DEFB115: variants seen among roughly 807,000 people sequenced by gnomAD.
DEFB115 encodes defensin beta 115, also known as beta-defensin 115.
Under a neutral mutation model 8.8 loss-of-function variants are expected in DEFB115, and 7 were observed. The observed-to-expected ratio is 0.79, with a 90% CI of 0.45 to 1.49. The LOEUF is 1.49. DEFB115 is among the 40% of genes most tolerant of loss of function. The probability of loss-of-function intolerance (pLI) is 0.01; values close to 1 mark genes in which losing one functional copy is unlikely to be tolerated. For synonymous variants in DEFB115, 62 were observed against 37.6 expected (o/e 1.65, Z -2.37); for missense variants, 143 against 99.4 (o/e 1.44, Z -1.86).
In DEFB115 at chr20:31,259,548, A is replaced by G. The variant is rs982255150; in HGVS notation, c.183A>G (p.Glu61=). 2.5e-6 allele frequency: 4 copies of G among 1,613,300 alleles called. No homozygotes were observed. Among genetic ancestry groups the G allele is most frequent in the Non-Finnish European group, 2.5e-6 (3 of 1,179,600 alleles). The part of the protein sequence containing the change: ...EIERKKEKCG[E]KHICCVPKEK... ...AGAGGAAGAAAGAAAAATGTGGGGA[A>G]AAACATATTTGCTGTGTCCCTAAAG... The change falls in exon 2 of 2, where the codon GAA becomes GAG. Residue 61 remains glutamate, a synonymous_variant. Coordinates refer to ENST00000400552, the MANE Select transcript of DEFB115 (RefSeq NM_001037730.1).
At position 31,257,685 on chromosome 20, in the gene DEFB115, C is replaced by A. The variant is rs946177627; in HGVS notation, c.22C>A (p.Pro8Thr). The change falls in exon 1 of 2, where the codon CCC becomes ACC. Residue 8 changes from proline (P) to threonine (T), a missense_variant. Physicochemically the swap from Pro to Thr is conservative, Grantham distance 38. Transcript: ENST00000400552. ...CAGAATGCTGCCAGATCATTTCTCACCCCTCTCAGGAGACATTAAACTCTC... is the reference window on the plus strand; with the variant it reads ...CAGAATGCTGCCAGATCATTTCTCAACCCTCTCAGGAGACATTAAACTCTC... The part of the protein sequence containing the change: MLPDHFS[P>T]LSGDIKLSVL... 2.5e-6 allele frequency: 4 copies of A among 1,613,902 alleles called. No homozygotes were observed. Among genetic ancestry groups the A allele is most frequent in the Non-Finnish European group, 3.4e-6 (4 of 1,179,922 alleles).
chr20:31,257,767 A>G lies in DEFB115; in HGVS notation c.94+10A>G. The G allele has an allele frequency of 6.2e-7, 1 of 1,606,794 alleles. No individual in the cohort carries two copies. Among genetic ancestry groups the G allele is most frequent in the Non-Finnish European group, 8.5e-7 (1 of 1,173,402 alleles). On this transcript the variant is annotated intron_variant, in intron 1 of 1. Coordinates refer to ENST00000400552, the MANE Select transcript of DEFB115 (RefSeq NM_001037730.1). ...GCTCAGACTGCCCCAGGTAAACAGAACCATGGAGAGAAGGGAAAAGGGAGT... is the reference window on the plus strand; with the variant it reads ...GCTCAGACTGCCCCAGGTAAACAGAGCCATGGAGAGAAGGGAAAAGGGAGT...
Position 31,257,748 on chromosome 20 carries a change from A to T in DEFB115, c.85A>T (p.Thr29Ser), listed in dbSNP as rs34092464. 1 of 1,613,380 alleles carries T rather than the reference A, an allele frequency of 6.2e-7. No homozygotes were observed. The highest frequency in any genetic ancestry group is 2.2e-5 in the East Asian group (1 of 44,862). ...AGTTGTCCTTGTGGTCCTGGCTCAGACTGCCCCAGGTAAACAGAACCATGG... is the reference window on the plus strand; with the variant it reads ...AGTTGTCCTTGTGGTCCTGGCTCAGTCTGCCCCAGGTAAACAGAACCATGG... ...ALVVLVVLAQ[T>S]APDGWIRRCY... The change falls in exon 1 of 2, where the codon ACT (threonine) becomes TCT (serine). Residue 29 changes from threonine (T) to serine (S), a missense_variant. By Grantham distance (58) the Thr-to-Ser change is moderately conservative. Coordinates refer to ENST00000400552, the MANE Select transcript of DEFB115 (RefSeq NM_001037730.1).
intron 1 of DEFB115, 141 bp downstream of exon 1, chr20:31,257,898 T>C (rs1983798052): frequency 4.1e-6 from 3 of 737,242 alleles, no homozygotes; most frequent in South Asian, 1.8e-5. Context: ...ATAATGAATA[T>C]GCTCCCATAA....
At chr20:31,259,391 C>T (rs1253445204) in intron 1 of DEFB115, 69 bp from the exon 2 acceptor site, 5 of 1,422,812 alleles carry the variant, frequency 3.5e-6, no homozygotes, top group Non-Finnish European at 3.7e-6. Flanking sequence ...CTATTACCAA[C>T]ATCCTTTCTT....
At chr20:31,258,578 G>T (rs545674883) in intron 1 of DEFB115, among the ~76,000 whole-genome samples, 2 of 152,184 alleles carry the variant, frequency 1.3e-5, no homozygotes, top group Non-Finnish European at 1.5e-5. Flanking sequence ...CTAACCCTGA[G>T]TTGGCTTGAG....
intron 1 of DEFB115, among the ~76,000 whole-genome samples, chr20:31,258,117 C>T (rs1402919204): frequency 6.6e-6 from 1 of 152,198 alleles, no homozygotes; most frequent in African/African-American, 2.4e-5. Context: ...GTTGATACTA[C>T]CTCTTCTAAT....
rs767578245 is a variant in DEFB115 at position 31,257,727 on chromosome 20, G to T, written c.64G>T (p.Val22Phe). ...TAAACTCTCTGTCCTGGCCTTAGTTGTCCTTGTGGTCCTGGCTCAGACTGC... is the reference window on the plus strand; with the variant it reads ...TAAACTCTCTGTCCTGGCCTTAGTTTTCCTTGTGGTCCTGGCTCAGACTGC... ...DIKLSVLALV[V>F]LVVLAQTAPD... Residue 22 changes from valine to phenylalanine, a missense_variant, in exon 1 of 2, where the codon GTC becomes TTC. By Grantham distance (50) the Val-to-Phe change is conservative (BLOSUM62 -1). Coordinates refer to ENST00000400552, the MANE Select transcript of DEFB115 (RefSeq NM_001037730.1). The T allele has an allele frequency of 4.3e-6, 7 of 1,613,812 alleles. No homozygotes were observed. The highest frequency in any genetic ancestry group is 1.1e-5 in the South Asian group (1 of 91,078).
At position 31,259,443 on chromosome 20, in the gene DEFB115, T is replaced by G. The variant is rs374841457; in HGVS notation, c.95-17T>G. 1 of 1,579,800 alleles carries G rather than the reference T, an allele frequency of 6.3e-7. No individual in the cohort carries two copies. The highest frequency in any genetic ancestry group is 1.2e-5 in the South Asian group (1 of 84,108). ...TCAAATGTATTTATATATTCATGTG[T>G]TTGCTTATTTTGATAGATGGATGGA... On this transcript the variant is annotated splice_polypyrimidine_tract_variant and intron_variant, in intron 1 of 1. Coordinates refer to ENST00000400552, the MANE Select transcript of DEFB115 (RefSeq NM_001037730.1).
intron 1 of DEFB115, among the ~76,000 whole-genome samples, chr20:31,258,877 G>C (rs1343341075): frequency 6.6e-6 from 1 of 152,114 alleles, no homozygotes; most frequent in Non-Finnish European, 1.5e-5. Context: ...TGGGTTTGCA[G>C]TCTGCGTTGA....
intron 1 of DEFB115, among the ~76,000 whole-genome samples, chr20:31,258,415 T>C (rs1983810779): frequency 1.3e-5 from 2 of 152,166 alleles, no homozygotes; most frequent in Admixed American, 1.3e-4. Flanking sequence ...CCCTTAGGCT[T>C]CCCAGGGGCT....
intron 1 of DEFB115, 70 bp downstream of exon 1, chr20:31,257,827 A>G (rs1278199042): frequency 5.8e-6 from 8 of 1,384,950 alleles, no homozygotes; most frequent in Non-Finnish European, 4.1e-6. Flanking sequence ...TCACTGGAAA[A>G]TTGAACATGT....
Position 31,257,755 on chromosome 20 carries a change from C to G in DEFB115, c.92C>G (p.Pro31Arg). ...CTTGTGGTCCTGGCTCAGACTGCCC[C>G]AGGTAAACAGAACCATGGAGAGAAG... ...VVLVVLAQTAPDGWIRRCYYG... is the reference protein window; with the variant it reads ...VVLVVLAQTARDGWIRRCYYG... The change falls in exon 1 of 2, where the codon CCA (proline) becomes CGA (arginine). Residue 31 changes from proline (P) to arginine (R), a missense_variant and splice_region_variant. Coordinates refer to ENST00000400552, the MANE Select transcript of DEFB115 (RefSeq NM_001037730.1). The G allele has an allele frequency of 1.2e-6, 2 of 1,611,862 alleles. No homozygotes were observed. The highest frequency in any genetic ancestry group is 1.7e-5 in the Admixed American group (1 of 59,980).
intron 1 of DEFB115, 99 bp downstream of exon 1, chr20:31,257,856 C>A: frequency 1.9e-6 from 2 of 1,060,626 alleles, no homozygotes; most frequent in East Asian, 2.5e-5. Flanking sequence ...AAGGAGAGCC[C>A]ACAGGGATGG....
chr20:31,257,812 C>A, intron 1 of DEFB115, 55 bp downstream of exon 1: 1 of 1,474,676 alleles, frequency 6.8e-7, no homozygotes, highest in Non-Finnish European at 9.5e-7. Flanking sequence ...GTCCTAACCA[C>A]AGAATCACTG....
chr20:31,259,406 TG>T, intron 1 of DEFB115, 53 bp from the exon 2 acceptor site: 1 of 1,474,578 alleles, frequency 6.8e-7, no homozygotes, highest in Non-Finnish European at 9.0e-7. Context: ...TTTCTTTAAT[TG>T]TATTTATTTT....
chr20:31,259,443 T>A lies in DEFB115; in HGVS notation c.95-17T>A, dbSNP rs374841457. The A allele has an allele frequency of 8.9e-6, 14 of 1,579,800 alleles. No homozygotes were observed. The highest frequency in any genetic ancestry group is 4.5e-5 in the East Asian group (2 of 44,490). On this transcript the variant is annotated splice_polypyrimidine_tract_variant and intron_variant, in intron 1 of 1. Coordinates refer to ENST00000400552, the MANE Select transcript of DEFB115 (RefSeq NM_001037730.1). ...TCAAATGTATTTATATATTCATGTGTTTGCTTATTTTGATAGATGGATGGA... is the reference window on the plus strand; with the variant it reads ...TCAAATGTATTTATATATTCATGTGATTGCTTATTTTGATAGATGGATGGA...
chr20:31,257,969 T>A lies in DEFB115; in HGVS notation c.94+212T>A, dbSNP rs551986545. Among the ~76,000 whole-genome samples the A allele has an allele frequency of 1.4e-4, 22 of 152,288 alleles. No homozygotes were observed. In the Middle Eastern group the frequency reaches 0.014, roughly 94 times the overall value. On this transcript the variant is annotated intron_variant, in intron 1 of 1. Coordinates refer to ENST00000400552, the MANE Select transcript of DEFB115 (RefSeq NM_001037730.1). ...TTCTCATTAGGGAACCTGGAGAATA[T>A]CTGCAGAGGCCAAGGTGTTTTATAT...
intron 1 of DEFB115, 132 bp downstream of exon 1, chr20:31,257,889 T>C (rs1356447168): frequency 3.9e-6 from 3 of 770,424 alleles, no homozygotes; most frequent in Non-Finnish European, 6.4e-6. Context: ...GAAAGGCTTA[T>C]AATGAATATG....
Sources: allele counts gnomAD v4.1 joint callset (sites outside exome capture counted in the v4.1 genomes callset), GRCh38; gene constraint gnomAD v4.1.1; transcripts MANE v1.5; gene names NCBI Gene and HGNC (gene_info 2026-07-23, HGNC 2026-07-21).